Variants in DDRGK1 observed in about 807,000 individuals in gnomAD.
DDRGK1 encodes the protein DDRGK domain-containing protein 1.
Under a neutral mutation model 45.8 loss-of-function variants are expected in DDRGK1, and 38 were observed. The observed-to-expected ratio is 0.83, with a 90% CI of 0.64 to 1.09. DDRGK1 has a LOEUF of 1.09. Ranked by LOEUF, DDRGK1 falls within the 50% of genes least tolerant of loss-of-function variation. DDRGK1 has a pLI of 0.00. For synonymous variants in DDRGK1, 171 were observed against 168.7 expected, an observed-to-expected ratio of 1.01 and a Z score of -0.11; for missense variants, 403 against 419.9, an observed-to-expected ratio of 0.96 and a Z score of 0.35.
At chr20:3,200,629 G>A (rs1355804134) in intron 2 of DDRGK1, among the ~76,000 whole-genome samples, 175 bp from the exon 3 acceptor site, 1 of 152,218 alleles carries the variant, frequency 6.6e-6, no homozygotes, top group Non-Finnish European at 1.5e-5. Flanking sequence ...GTGTGTGTGT[G>A]CATGAATATG....
intron 5 of DDRGK1, 137 bp from the exon 6 acceptor site, chr20:3,195,005 A>G (rs2067004077): frequency 1.5e-6 from 2 of 1,336,888 alleles, no homozygotes; most frequent in South Asian, 2.7e-5. Flanking sequence ...CCACCTGCAC[A>G]TACCGCTTGC....
rs1477710572 is a variant in DDRGK1 at position 3,200,348 on chromosome 20, C to G, written c.402G>C (p.Gln134His). 1.3e-6 allele frequency: 2 copies of G among 1,563,830 alleles called. No homozygotes were observed. The highest frequency in any genetic ancestry group is 1.7e-6 in the Non-Finnish European group (2 of 1,153,728). The change falls in exon 3 of 9, where the codon CAG becomes CAC. Residue 134 changes from glutamine (Q) to histidine (H), a missense_variant. Coordinates refer to ENST00000354488, the MANE Select transcript of DDRGK1 (RefSeq NM_023935.3). Reference sequence around the variant, plus strand: ...CCCCATCCCTCCGGCTTGCCTCACGCTGGGCCTTTCGCGCTTGTTTCTCCT... The same window carrying G: ...CCCCATCCCTCCGGCTTGCCTCACGGTGGGCCTTTCGCGCTTGTTTCTCCT... ...KLEEKQARKAQREAEEAEREE... is the reference protein window; with the variant it reads ...KLEEKQARKAHREAEEAEREE...
intron 6 of DDRGK1, among the ~76,000 whole-genome samples, chr20:3,192,924 A>G (rs932830138): frequency 2.0e-5 from 3 of 152,178 alleles, no homozygotes; most frequent in African/African-American, 4.8e-5. Flanking sequence ...GGCAAGGACA[A>G]AGTGACGTGG....
At chr20:3,194,988 C>T (rs767401987) in intron 5 of DDRGK1, 120 bp from the exon 6 acceptor site, 197 of 1,410,590 alleles carry the variant, frequency 1.4e-4, no homozygotes, top group Middle Eastern at 1.9e-4. Context: ...GCCTTTGGCC[C>T]GCCCAACCAC....
intron 7 of DDRGK1, 188 bp from the exon 8 acceptor site, chr20:3,191,426 C>T (rs2066988892): frequency 7.4e-6 from 5 of 676,276 alleles, no homozygotes; most frequent in African/African-American, 1.8e-5. Context: ...CTGCAAGACC[C>T]CCAAAAGAGT....
chr20:3,200,938 A>G (rs1454078143), intron 2 of DDRGK1, among the ~76,000 whole-genome samples: 3 of 152,170 alleles, frequency 2.0e-5, no homozygotes, highest in Non-Finnish European at 4.4e-5. Context: ...GTGAAACCTC[A>G]TCTCTACTAA....
chr20:3,200,424 G>A lies in DDRGK1; in HGVS notation c.326C>T (p.Ala109Val), dbSNP rs769792411. The change falls in exon 3 of 9, where the codon GCG (alanine) becomes GTG (valine). Residue 109 changes from alanine to valine, a missense_variant. Coordinates refer to ENST00000354488, the MANE Select transcript of DDRGK1 (RefSeq NM_023935.3). The stretch of plus-strand genomic sequence containing the variant: ...AATTTTCCCCGACAGGTGAGTTTCC[G>A]CTGGCTTCTCGACACCTTCCTCCTC... The part of the protein sequence containing the change: ...AQEEEGVEKP[A>V]ETHLSGKIGA... 7.0e-6 allele frequency: 11 copies of A among 1,581,772 alleles called. No homozygotes were observed. Among genetic ancestry groups the A allele is most frequent in the South Asian group, 5.8e-5 (5 of 86,076 alleles).
At chr20:3,199,006 G>C (rs929301698) in intron 4 of DDRGK1, among the ~76,000 whole-genome samples, 8 of 133,254 alleles carry the variant, frequency 6.0e-5, no homozygotes, top group African/African-American at 2.2e-4. Flanking sequence ...AATTAGCCAG[G>C]CATGGTGGTG....
intron 4 of DDRGK1, among the ~76,000 whole-genome samples, chr20:3,196,478 C>T (rs533795840): frequency 1.6e-4 from 24 of 150,958 alleles, no homozygotes; most frequent in African/African-American, 5.9e-4. Context: ...GAGATCGAGA[C>T]CATCCTGGCT....
At chr20:3,197,487 T>C (rs1309050741) in intron 4 of DDRGK1, among the ~76,000 whole-genome samples, 1 of 152,192 alleles carries the variant, frequency 6.6e-6, no homozygotes, top group East Asian at 1.9e-4. Context: ...GTGAAGCGGA[T>C]AACTTGCATA....
At chr20:3,203,492 A>G (rs1468343770) in intron 1 of DDRGK1, 76 bp from the exon 2 acceptor site, 4 of 1,433,530 alleles carry the variant, frequency 2.8e-6, no homozygotes, top group East Asian at 2.6e-5. Context: ...GCAGCCCGGA[A>G]GCCTCACCTC....
At chr20:3,196,656 G>A (rs567215911) in intron 4 of DDRGK1, among the ~76,000 whole-genome samples, 45 of 152,246 alleles carry the variant, frequency 3.0e-4, no homozygotes, top group South Asian at 1.2e-3. Flanking sequence ...ACTCCAGCCT[G>A]GGGGACAGAG....
At chr20:3,204,017 G>T (rs1267998581) in intron 1 of DDRGK1, among the ~76,000 whole-genome samples, 2 of 152,202 alleles carry the variant, frequency 1.3e-5, no homozygotes, top group African/African-American at 4.8e-5. Context: ...CTTCTGATCG[G>T]GGAGCGGATT....
intron 3 of DDRGK1, 23 bp downstream of exon 3, chr20:3,200,319 T>C (rs1238540154): frequency 1.3e-6 from 2 of 1,553,290 alleles, no homozygotes; most frequent in Admixed American, 2.0e-5. Flanking sequence ...TTCCCAGAGC[T>C]GCACCCCATC....
intron 2 of DDRGK1, among the ~76,000 whole-genome samples, chr20:3,202,891 C>T (rs554902520): frequency 1.3e-5 from 2 of 152,298 alleles, no homozygotes; most frequent in African/African-American, 4.8e-5. Context: ...AGGCACTCTG[C>T]CTCTAGGGTG....
At chr20:3,201,349 C>G (rs1184349627) in intron 2 of DDRGK1, among the ~76,000 whole-genome samples, 1 of 147,942 alleles carries the variant, frequency 6.8e-6, no homozygotes, top group Non-Finnish European at 1.5e-5. Context: ...GCCCCAGCTA[C>G]TAGGGACGCT....
intron 4 of DDRGK1, among the ~76,000 whole-genome samples, chr20:3,198,548 A>C (rs541893851): frequency 8.0e-5 from 12 of 150,920 alleles, no homozygotes; most frequent in Admixed American, 3.3e-4. Context: ...TAAAAATACA[A>C]AATTAGCCGG....
At chr20:3,191,953 A>G in intron 6 of DDRGK1, 132 bp from the exon 7 acceptor site, 1 of 747,054 alleles carries the variant, frequency 1.3e-6, no homozygotes, top group Non-Finnish European at 2.2e-6. Context: ...ACACTCCTGT[A>G]GGACAGCCTT....
intron 4 of DDRGK1, 144 bp downstream of exon 4, chr20:3,199,857 G>A (rs2122238343): frequency 1.4e-6 from 1 of 694,984 alleles, no homozygotes; most frequent in South Asian, 2.2e-5. Flanking sequence ...CTGTGGTGGA[G>A]CCTAGGGACC....
Sources: gnomAD v4.1 joint callset for allele counts (sites outside exome capture counted in the v4.1 genomes callset) on GRCh38, gnomAD v4.1.1 for gene constraint, MANE v1.5 for transcripts, NCBI Gene and HGNC (gene_info 2026-07-23, HGNC 2026-07-21) for gene names.